The following ITGAV variants were observed in gnomAD, a reference collection of about 807,000 sequenced individuals.
ITGAV encodes the protein integrin subunit alpha V.
A neutral mutation model predicts 143.8 loss-of-function variants in ITGAV; 76 were observed. The ratio of observed to expected loss-of-function variants is 0.53; its 90% CI spans 0.44 to 0.64. The LOEUF (loss-of-function observed/expected upper bound fraction) is 0.64, where lower values mean the gene tolerates loss of function less well. Among genes scored for constraint, ITGAV ranks in the 30% least tolerant of loss-of-function variants. ITGAV has a pLI of 0.00. For missense variants in ITGAV, 1,193 were observed against 1,274.7 expected (o/e 0.94, Z 0.98); for synonymous variants, 453 against 446.7 (o/e 1.01, Z -0.18).
At chr2:186,656,813 A>G (rs1260105048) in intron 17 of ITGAV, among the ~76,000 whole-genome samples, 1 of 152,176 alleles carries the variant, frequency 6.6e-6, no homozygotes, top group Non-Finnish European at 1.5e-5. Flanking sequence ...GGCAGGTGGT[A>G]ATTGCAGACA....
rs201541903 is a variant in ITGAV, at chr2:186,646,808, C to T, written c.1282C>T (p.Arg428Ter). 1.2e-6 allele frequency: 2 copies of T among 1,611,102 alleles called. No homozygotes were observed. The highest frequency in any genetic ancestry group is 1.1e-5 in the South Asian group (1 of 90,674). Residue 428 changes from arginine (R) to a stop codon, truncating the protein, a stop_gained, in exon 13 of 30, where the codon CGA becomes TGA. Coordinates refer to ENST00000261023, the MANE Select transcript of ITGAV (RefSeq NM_002210.5). LOFTEE classifies it high-confidence loss of function. ...SQILEGQWAARSMPPSFGYSM... is the reference protein window; with the variant it reads ...SQILEGQWAA Reference sequence around the variant, plus strand: ...AATCCTTGAAGGGCAGTGGGCTGCTCGAAGCATGCCACCAAGCTTTGGCTA... The same window carrying T: ...AATCCTTGAAGGGCAGTGGGCTGCTTGAAGCATGCCACCAAGCTTTGGCTA...
intron 2 of ITGAV, among the ~76,000 whole-genome samples, chr2:186,617,381 A>G (rs910264581): frequency 6.6e-6 from 1 of 152,202 alleles, no homozygotes; most frequent in Non-Finnish European, 1.5e-5. Flanking sequence ...ACACCGGGGA[A>G]AAGAGTTGGC....
At position 186,671,996 on chromosome 2, in the gene ITGAV, G is replaced by C. The variant is rs917258546; in HGVS notation, c.2706+2182G>C. The stretch of plus-strand genomic sequence containing the variant: ...AGACAGAGTCTCGCTCTGTCACCCA[G>C]GCTGGAGTCCAGTGGCGAAATCTCG... On this transcript the variant is annotated intron_variant, in intron 26 of 29. Transcript: ENST00000261023. Among the ~76,000 whole-genome samples the C allele has an allele frequency of 4.4e-5, 6 of 135,818 alleles. No homozygotes were observed. In the South Asian group the frequency reaches 7.1e-4, roughly 16 times the overall value. The allele number at this position is 135,818 out of a possible 152,430, so 89.1% of individuals were successfully genotyped here. A position where few individuals can be genotyped will look rare whatever the true frequency, so the allele number is the denominator to read the frequency against.
chr2:186,664,509 C>T lies in ITGAV; in HGVS notation c.1941C>T (p.Ile647=). 1.2e-6 allele frequency: 2 copies of T among 1,613,790 alleles called. No homozygotes were observed. The highest frequency in any genetic ancestry group is 3.3e-4 in the Middle Eastern group (2 of 6,060). The change falls in exon 20 of 30, where the codon ATC becomes ATT. Residue 647 remains isoleucine, a synonymous_variant. Transcript: ENST00000261023. ...TAACTTGTAGTGATCAAAAGAAGAT[C>T]TATATTGGGGATGACAACCCTCTGA... is the stretch of plus-strand genomic sequence containing the variant. ...EVSVDSDQKK[I]YIGDDNPLTL...
At chr2:186,664,926 T>C (rs570950681) in intron 20 of ITGAV, among the ~76,000 whole-genome samples, 200 bp from the exon 21 acceptor site, 2 of 152,322 alleles carry the variant, frequency 1.3e-5, no homozygotes, top group East Asian at 3.9e-4. Context: ...TGTATGGTTT[T>C]GTATGGTAGT....
rs1274455058 is a variant in ITGAV at position 186,669,813 on chromosome 2, T to C, written c.2705T>C (p.Leu902Ser). ...LALSEGDIHT[L>S]GCGVAQCLKI... Reference sequence around the variant, plus strand: ...CTCAGTGAAGGAGATATTCACACTTTGGTAAGTGCCATTTCAAATATGTGC... The same window carrying C: ...CTCAGTGAAGGAGATATTCACACTTCGGTAAGTGCCATTTCAAATATGTGC... Residue 902 changes from leucine (L) to serine (S), a missense_variant and splice_region_variant, in exon 26 of 30, where the codon TTG becomes TCG. Coordinates refer to ENST00000261023, the MANE Select transcript of ITGAV (RefSeq NM_002210.5). 1 of 1,596,794 alleles carries C rather than the reference T, an allele frequency of 6.3e-7. No homozygotes were observed. The highest frequency in any genetic ancestry group is 8.6e-7 in the Non-Finnish European group (1 of 1,164,584).
chr2:186,599,874 A>G (rs1022737201), intron 1 of ITGAV, among the ~76,000 whole-genome samples: 5 of 152,068 alleles, frequency 3.3e-5, no homozygotes, highest in Non-Finnish European at 4.4e-5. Context: ...TGTACTCCAG[A>G]TGTTTTTTTC....
At position 186,638,284 on chromosome 2, in the gene ITGAV, T is replaced by G. The variant is rs1156334689; in HGVS notation, c.810T>G (p.Val270=). 6.2e-7 allele frequency: 1 copy of G among 1,613,854 alleles called. No homozygotes were observed. The highest frequency in any genetic ancestry group is 1.3e-5 in the African/African-American group (1 of 74,928). ...TTTGTTTGTTTGTTTCAGACTTTGTTTCAGGAGTTCCAAGAGCAGCAAGGA... is the reference window on the plus strand; with the variant it reads ...TTTGTTTGTTTGTTTCAGACTTTGTGTCAGGAGTTCCAAGAGCAGCAAGGA... The part of the protein sequence containing the change: ...DFNGDGIDDF[V]SGVPRAARTL... The change falls in exon 9 of 30, where the codon GTT becomes GTG. Residue 270 remains valine (V), a synonymous_variant. Transcript: ENST00000261023.
intron 28 of ITGAV, among the ~76,000 whole-genome samples, 165 bp from the exon 29 acceptor site, chr2:186,676,648 G>A (rs775213611): frequency 1.3e-5 from 2 of 152,150 alleles, no homozygotes; most frequent in Non-Finnish European, 2.9e-5. Context: ...AGTTTCATGT[G>A]TGTATGTGCA....
chr2:186,677,116 G>T, intron 29 of ITGAV, 81 bp from the exon 30 acceptor site: 1 of 1,309,278 alleles, frequency 7.6e-7, no homozygotes, highest in Non-Finnish European at 1.1e-6. Context: ...AATGTTCTTA[G>T]TGGTAATATA....
intron 18 of ITGAV, among the ~76,000 whole-genome samples, chr2:186,662,364 C>T (rs577666511): frequency 1.8e-3 from 273 of 152,174 alleles, no homozygotes; most frequent in Non-Finnish European, 3.1e-3. Context: ...TTTTGTGTTT[C>T]CTTCAAATTA....
intron 12 of ITGAV, among the ~76,000 whole-genome samples, chr2:186,645,473 G>A (rs1688228564): frequency 6.6e-6 from 1 of 152,070 alleles, no homozygotes; most frequent in African/African-American, 2.4e-5. Context: ...AAACTGGATG[G>A]CGTGGGGGTG....
Position 186,602,087 on chromosome 2 carries a change from G to A in ITGAV, c.252G>A (p.Gly84=). 1 of 1,613,294 alleles carries A rather than the reference G, an allele frequency of 6.2e-7. No individual in the cohort carries two copies. Among genetic ancestry groups the A allele is most frequent in the Non-Finnish European group, 8.5e-7 (1 of 1,179,492 alleles). ...NTTQPGIVEG[G]QVLKCDWSST... is the part of the protein sequence containing the mutation. The stretch of plus-strand genomic sequence containing the variant: ...CCCAGCCTGGGATTGTGGAAGGAGG[G>A]CAGGTCCTCAAATGTGACTGGTCTT... The change falls in exon 2 of 30, where the codon GGG becomes GGA. Residue 84 remains glycine, a synonymous_variant. Transcript: ENST00000261023.
intron 1 of ITGAV, among the ~76,000 whole-genome samples, chr2:186,601,634 C>T (rs180965630): frequency 5.9e-5 from 9 of 151,710 alleles, no homozygotes; most frequent in South Asian, 2.1e-4. Flanking sequence ...CTCTCACACA[C>T]GCACATGCAC....
At chr2:186,661,398 G>T (rs1688740078) in intron 18 of ITGAV, among the ~76,000 whole-genome samples, 1 of 152,106 alleles carries the variant, frequency 6.6e-6, no homozygotes, top group African/African-American at 2.4e-5. Flanking sequence ...CAGTTCCTCA[G>T]TGACACTAAG....
At position 186,677,956 on chromosome 2, in the gene ITGAV, T is replaced by C. The variant is rs1689260206; in HGVS notation, c.*664T>C. 2 of 152,408 alleles carry C rather than the reference T, an allele frequency of 1.3e-5. No homozygotes were observed. The highest frequency in any genetic ancestry group is 4.8e-5 in the African/African-American group (2 of 41,446). 9.4% of individuals were successfully genotyped at this position (152,408 alleles called of 1,614,324 possible). A position where few individuals can be genotyped will look rare whatever the true frequency, so the allele number is the denominator to read the frequency against. ...ATTAAATCCACAATATTTTATTACA[T>C]TTTTAACTTGTATAAATTTTAGGTC... On this transcript the variant is annotated 3_prime_UTR_variant, in exon 30 of 30. Coordinates refer to ENST00000261023, the MANE Select transcript of ITGAV (RefSeq NM_002210.5).
rs61765168 is a variant in ITGAV at position 186,636,223 on chromosome 2, A to G, written c.757+16A>G. The G allele has an allele frequency of 1.6e-5, 26 of 1,603,728 alleles. No individual in the cohort carries two copies. In the African/African-American group the frequency reaches 3.1e-4, roughly 19 times the overall value. On this transcript the variant is annotated intron_variant, in intron 7 of 29. Transcript: ENST00000261023. ...AGCTATTTGGGTAGGTAAAACCAAA[A>G]TTTACTCATTTTTGGAACTGTGGTA...
Position 186,659,092 on chromosome 2 carries a change from C to G in ITGAV, c.1774C>G (p.Arg592Gly). ...LTPITIFMEY[R>G]LDYRTAADTT... is the part of the protein sequence containing the mutation. The stretch of plus-strand genomic sequence containing the variant: ...TCCAATTACTATTTTTATGGAATAT[C>G]GGTTGGATTATAGAACAGCTGCTGA... The change falls in exon 18 of 30, where the codon CGG becomes GGG. Residue 592 changes from arginine to glycine, a missense_variant. Coordinates refer to ENST00000261023, the MANE Select transcript of ITGAV (RefSeq NM_002210.5). 1 of 1,609,696 alleles carries G rather than the reference C, an allele frequency of 6.2e-7. No homozygotes were observed. Among genetic ancestry groups the G allele is most frequent in the African/African-American group, 1.3e-5 (1 of 74,918 alleles).
At chr2:186,610,470 G>A (rs756934362) in intron 2 of ITGAV, among the ~76,000 whole-genome samples, 10 of 152,066 alleles carry the variant, frequency 6.6e-5, no homozygotes, top group Non-Finnish European at 1.3e-4. Context: ...CCACAACTAA[G>A]ATGTTTTAAA....
Sources: allele counts gnomAD v4.1 joint callset (sites outside exome capture counted in the v4.1 genomes callset), GRCh38; gene constraint gnomAD v4.1.1; transcripts MANE v1.5; gene names NCBI Gene and HGNC (gene_info 2026-07-23, HGNC 2026-07-21).